The following YBX3 variants were observed in gnomAD, a reference collection of about 807,000 sequenced individuals.
YBX3 encodes the protein Y-box binding protein 3.
In YBX3, 29 loss-of-function variants were observed where a neutral mutation model predicts 42.4. The observed-to-expected ratio is 0.68, with a 90% CI of 0.51 to 0.93. YBX3 has a LOEUF of 0.93. Ranked by LOEUF, YBX3 falls within the 40% of genes least tolerant of loss-of-function variation. The probability of loss-of-function intolerance (pLI) is 0.00; values close to 1 mark genes in which losing one functional copy is unlikely to be tolerated. For synonymous variants in YBX3, 195 were observed against 189.8 expected (o/e 1.03, Z -0.22); for missense variants, 517 against 527.5 (o/e 0.98, Z 0.19).
intron 3 of YBX3, among the ~76,000 whole-genome samples, chr12:10,716,759 C>T (rs1382571444): frequency 1.3e-5 from 2 of 152,126 alleles, no homozygotes; most frequent in Admixed American, 6.5e-5. Flanking sequence ...AGAGACCTCA[C>T]CCATAGAGGA....
chr12:10,710,275 T>G (rs781177502), intron 5 of YBX3, 161 bp from the exon 6 acceptor site: 2 of 1,505,242 alleles, frequency 1.3e-6, no homozygotes, highest in African/African-American at 1.4e-5. Context: ...ATCATGTGAT[T>G]GCCTGGGATA....
intron 1 of YBX3, among the ~76,000 whole-genome samples, chr12:10,721,646 C>A (rs1167086258): frequency 6.6e-6 from 1 of 151,660 alleles, no homozygotes; most frequent in Middle Eastern, 3.2e-3. Context: ...AAAAAAAAAA[C>A]AAGAAAATAG....
chr12:10,701,884 A>C, intron 8 of YBX3, 76 bp downstream of exon 8: 1 of 1,506,682 alleles, frequency 6.6e-7, no homozygotes, highest in Non-Finnish European at 8.9e-7. Context: ...CATGTGATAA[A>C]ACCACTTTTA....
intron 1 of YBX3, 97 bp from the exon 2 acceptor site, chr12:10,719,240 T>A: frequency 1.0e-6 from 1 of 1,003,282 alleles, no homozygotes; most frequent in South Asian, 1.6e-5. Context: ...AGCCTAAACA[T>A]ACCTAAAGAA....
intron 9 of YBX3, among the ~76,000 whole-genome samples, chr12:10,700,289 C>A (rs114408407): frequency 0.014 from 2,088 of 152,146 alleles, 40 homozygotes; most frequent in African/African-American, 0.047. Flanking sequence ...AGCAGATGGC[C>A]TTAAGACACA....
chr12:10,714,084 A>C (rs1948231574), intron 4 of YBX3, among the ~76,000 whole-genome samples: 1 of 152,252 alleles, frequency 6.6e-6, no homozygotes, highest in South Asian at 2.1e-4. Flanking sequence ...ATTGGATGGG[A>C]TATCAGAGAT....
Position 10,719,145 on chromosome 12 carries a change from T to C in YBX3, c.263-2A>G. Reference sequence around the variant, plus strand: ...TGACAGTGCCAAGGACTTTGGTGGCTAAAATAGGATTAAGCAGATAAATTA... The same window carrying C: ...TGACAGTGCCAAGGACTTTGGTGGCCAAAATAGGATTAAGCAGATAAATTA... On this transcript the variant is annotated splice_acceptor_variant, in intron 1 of 9. Coordinates refer to ENST00000228251, the MANE Select transcript of YBX3 (RefSeq NM_003651.5). LOFTEE classifies it high-confidence loss of function. The C allele has an allele frequency of 6.2e-7, 1 of 1,612,940 alleles. No individual in the cohort carries two copies. The highest frequency in any genetic ancestry group is 8.5e-7 in the Non-Finnish European group (1 of 1,179,252).
intron 6 of YBX3, among the ~76,000 whole-genome samples, chr12:10,706,412 G>A (rs1014750196): frequency 1.3e-5 from 2 of 151,990 alleles, no homozygotes; most frequent in Non-Finnish European, 2.9e-5. Context: ...TCCTCTTCCC[G>A]CCCTTTGCTG....
In YBX3 at chr12:10,721,908, C is replaced by T. The variant is rs746530537; in HGVS notation, c.262+942G>A. 3.2e-4 allele frequency: 48 copies of T among 152,202 alleles called. 1 individual carries two copies. Among genetic ancestry groups the T allele is most frequent in the Admixed American group, 1.3e-4 (2 of 15,282 alleles). 9.4% of individuals were successfully genotyped at this position (152,202 alleles called of 1,614,324 possible). ...AAGCGTTTAAGAACTCACACAGGGGCGTTACTTACGAAAAGAACGCTTGTT... is the reference window on the plus strand; with the variant it reads ...AAGCGTTTAAGAACTCACACAGGGGTGTTACTTACGAAAAGAACGCTTGTT... On this transcript the variant is annotated intron_variant, in intron 1 of 9. Coordinates refer to ENST00000228251, the MANE Select transcript of YBX3 (RefSeq NM_003651.5).
At chr12:10,721,136 A>T (rs1299880253) in intron 1 of YBX3, among the ~76,000 whole-genome samples, 1 of 152,220 alleles carries the variant, frequency 6.6e-6, no homozygotes, top group Non-Finnish European at 1.5e-5. Flanking sequence ...TTGCTTGGCA[A>T]AGGAAAGGGG....
intron 6 of YBX3, among the ~76,000 whole-genome samples, chr12:10,706,230 G>T (rs1255090484): frequency 6.6e-6 from 1 of 152,140 alleles, no homozygotes; most frequent in Non-Finnish European, 1.5e-5. Flanking sequence ...AACGGGTAAG[G>T]GAGAGACCAG....
rs1221595461 is a variant in YBX3 at position 10,699,371 on chromosome 12, A to G, written c.*318T>C. The G allele has an allele frequency of 6.6e-6, 1 of 152,628 alleles. No homozygotes were observed. The highest frequency in any genetic ancestry group is 2.4e-5 in the African/African-American group (1 of 41,452). 9.5% of individuals were successfully genotyped at this position (152,628 alleles called of 1,614,324 possible). ...TTCTTGTTTCAATATATATATTACC[A>G]AAACAGTAAAAACCAGGAAAAAAAA... On this transcript the variant is annotated 3_prime_UTR_variant, in exon 10 of 10. Coordinates refer to ENST00000228251, the MANE Select transcript of YBX3 (RefSeq NM_003651.5).
chr12:10,707,582 C>T (rs1190131752), intron 6 of YBX3, among the ~76,000 whole-genome samples: 1 of 152,188 alleles, frequency 6.6e-6, no homozygotes, highest in Non-Finnish European at 1.5e-5. Context: ...AGCTGTTCTC[C>T]CTGCTTTTAT....
At chr12:10,702,328 C>T (rs1487129218) in intron 7 of YBX3, 194 bp from the exon 8 acceptor site, 1 of 377,884 alleles carries the variant, frequency 2.6e-6, no homozygotes, top group Non-Finnish European at 4.6e-6. Context: ...TGAGACCAGC[C>T]TGGCCAACAT....
intron 9 of YBX3, among the ~76,000 whole-genome samples, chr12:10,699,868 C>T (rs143449246): frequency 6.6e-6 from 1 of 152,118 alleles, no homozygotes; most frequent in East Asian, 1.9e-4. Flanking sequence ...CCAGAAAAGT[C>T]AGTACATAAG....
intron 5 of YBX3, chr12:10,710,374 T>C: frequency 7.2e-7 from 1 of 1,384,878 alleles, no homozygotes; most frequent in Non-Finnish European, 9.3e-7. Context: ...AATTTAATAG[T>C]CATCTCATTA....
chr12:10,707,043 T>TAAAC (rs887496656), intron 6 of YBX3, among the ~76,000 whole-genome samples: 17 of 151,970 alleles, frequency 1.1e-4, no homozygotes, highest in African/African-American at 4.1e-4. Context: ...AATAAATAAA[T>TAAAC]AAATAATTCC....
At chr12:10,710,466 C>A in intron 5 of YBX3, 1 of 1,210,176 alleles carries the variant, frequency 8.3e-7, no homozygotes, top group Non-Finnish European at 1.0e-6. Flanking sequence ...TGTCTCCCAG[C>A]ATTTACCATC....
At chr12:10,700,765 A>G (rs1406817938) in intron 9 of YBX3, among the ~76,000 whole-genome samples, 1 of 152,214 alleles carries the variant, frequency 6.6e-6, no homozygotes, top group Non-Finnish European at 1.5e-5. Context: ...TGAGAGGTAC[A>G]GTAGAGCCTG....
Sources: allele counts gnomAD v4.1 joint callset (sites outside exome capture counted in the v4.1 genomes callset), GRCh38; gene constraint gnomAD v4.1.1; transcripts MANE v1.5; gene names NCBI Gene and HGNC (gene_info 2026-07-23, HGNC 2026-07-21).